Variants in CDK12 observed in about 807,000 individuals in gnomAD.
CDK12 encodes the protein cyclin-dependent kinase 12.
In CDK12, 17 loss-of-function variants were observed where a neutral mutation model predicts 133.8. The observed-to-expected ratio is 0.13, with a 90% CI of 0.09 to 0.19. The LOEUF (loss-of-function observed/expected upper bound fraction) is 0.19, where lower values mean the gene tolerates loss of function less well. Ranked by LOEUF, CDK12 falls within the 10% of genes least tolerant of loss-of-function variation. The pLI is 1.00. For synonymous variants in CDK12, 694 were observed against 683.6 expected, an observed-to-expected ratio of 1.02 and a Z score of -0.24; for missense variants, 1,508 against 1,818.7, an observed-to-expected ratio of 0.83 and a Z score of 3.11.
intron 2 of CDK12, among the ~76,000 whole-genome samples, chr17:39,477,612 G>A (rs1221264378): frequency 1.1e-4 from 16 of 145,622 alleles, no homozygotes; most frequent in East Asian, 2.0e-4. Flanking sequence ...TTGCTCTGTC[G>A]CCCAGGCTGG....
chr17:39,540,748 C>T (rs2055367771), intron 1 of CDK12, among the ~76,000 whole-genome samples: 1 of 141,826 alleles, frequency 7.1e-6, no homozygotes. Flanking sequence ...GGGACTGGGG[C>T]GGGGGTCGGC....
At chr17:39,539,669 T>A (rs1483919814) in intron 1 of CDK12, among the ~76,000 whole-genome samples, 1 of 152,164 alleles carries the variant, frequency 6.6e-6, no homozygotes, top group Admixed American at 6.5e-5. Flanking sequence ...GTCTTACAGC[T>A]GGTGGAGAGT....
rs748058337 is a variant in CDK12 at position 39,530,653 on chromosome 17, C to T, written c.3810C>T (p.Pro1270=). 15 of 1,610,868 alleles carry T rather than the reference C, an allele frequency of 9.3e-6. No homozygotes were observed. Among genetic ancestry groups the T allele is most frequent in the African/African-American group, 2.7e-5 (2 of 74,826 alleles). ...LPPEKRPPEP[P]GPPPPPPPPP... ...CAGAGAAGAGGCCCCCTGAGCCCCC[C>T]GGACCTCCACCGCCGCCACCTCCAC... is the stretch of plus-strand genomic sequence containing the variant. Residue 1270 remains proline, a synonymous_variant, in exon 14 of 14, where the codon CCC becomes CCT. Transcript: ENST00000447079.
intron 2 of CDK12, among the ~76,000 whole-genome samples, chr17:39,486,195 C>A (rs902412751): frequency 1.3e-5 from 2 of 150,680 alleles, no homozygotes; most frequent in Non-Finnish European, 2.9e-5. Context: ...TCAGGTGATC[C>A]GCCCGCTTGG....
At chr17:39,528,031 T>C (rs1411322420) in intron 13 of CDK12, among the ~76,000 whole-genome samples, 5 of 152,042 alleles carry the variant, frequency 3.3e-5, no homozygotes, top group Admixed American at 3.3e-4. Context: ...TTCTCCTGCC[T>C]CAGCCTCCCA....
Position 39,492,805 on chromosome 17 carries a change from A to C in CDK12, c.2163A>C (p.Lys721Asn), listed in dbSNP as rs1265863241. Residue 721 changes from lysine to asparagine, a missense_variant, in exon 4 of 14, where the codon AAA (lysine) becomes AAC (asparagine). Transcript: ENST00000447079. ...ERRQTESDWG[K>N]RCVDKFDIIG... Reference sequence around the variant, plus strand: ...GACAAACAGAAAGCGACTGGGGGAAACGCTGTGTGGACAAGTTTGACATTA... The same window carrying C: ...GACAAACAGAAAGCGACTGGGGGAACCGCTGTGTGGACAAGTTTGACATTA... 2.5e-6 allele frequency: 4 copies of C among 1,613,384 alleles called. No homozygotes were observed. Among genetic ancestry groups the C allele is most frequent in the Middle Eastern group, 1.6e-4 (1 of 6,080 alleles).
At chr17:39,553,755 G>T (rs2056045891) in intron 2 of CDK12, among the ~76,000 whole-genome samples, 1 of 152,230 alleles carries the variant, frequency 6.6e-6, no homozygotes, top group East Asian at 1.9e-4. Flanking sequence ...AGAGGGAGAA[G>T]GCTGCTGGTA....
intron 2 of CDK12, among the ~76,000 whole-genome samples, chr17:39,476,224 C>T (rs528947045): frequency 3.0e-4 from 46 of 151,918 alleles, no homozygotes; most frequent in Non-Finnish European, 5.7e-4. Context: ...ATTCTCCTGT[C>T]TCAGCCTCCC....
chr17:39,510,041 G>A (rs1364420662), intron 7 of CDK12, among the ~76,000 whole-genome samples: 1 of 150,574 alleles, frequency 6.6e-6, no homozygotes, highest in Non-Finnish European at 1.5e-5. Context: ...GGCTCAAGCT[G>A]TCTACCTGCC....
intron 3 of CDK12, among the ~76,000 whole-genome samples, chr17:39,563,650 G>A: frequency 6.6e-6 from 1 of 152,074 alleles, no homozygotes; most frequent in East Asian, 1.9e-4. Context: ...GGTGTGACGC[G>A]AGGCTCTGCC....
At chr17:39,521,754 G>A (rs929373960) in intron 11 of CDK12, among the ~76,000 whole-genome samples, 1 of 151,962 alleles carries the variant, frequency 6.6e-6, no homozygotes, top group African/African-American at 2.4e-5. Context: ...TAGAGACAGG[G>A]TTTCACCATG....
chr17:39,462,113 TGGA>T lies in CDK12; in HGVS notation c.47_49del (p.Gly16del). 6.2e-7 allele frequency: 1 copy of T among 1,613,482 alleles called. No individual in the cohort carries two copies. The highest frequency in any genetic ancestry group is 8.5e-7 in the Non-Finnish European group (1 of 1,179,836). On this transcript the variant is annotated inframe_deletion, in exon 1 of 14. Transcript: ENST00000447079. ...GACATGGGGGCAAGAAGGACGGGAGTGGAGGAGCTTCTGGAACTTTGCAGCCGT... is the reference window on the plus strand; with the variant it reads ...GACATGGGGGCAAGAAGGACGGGAGTGGAGCTTCTGGAACTTTGCAGCCGT...
intron 7 of CDK12, among the ~76,000 whole-genome samples, chr17:39,510,414 G>A (rs536498431): frequency 8.6e-5 from 13 of 151,128 alleles, no homozygotes; most frequent in South Asian, 2.1e-4. Flanking sequence ...CCACCACTGC[G>A]TCCGGCCAAG....
At chr17:39,493,811 A>G (rs959968627) in intron 4 of CDK12, among the ~76,000 whole-genome samples, 10 of 151,980 alleles carry the variant, frequency 6.6e-5, no homozygotes, top group East Asian at 2.0e-4. Context: ...CCTGGCTAAC[A>G]TGGTGAAACC....
chr17:39,508,062 A>C (rs573281955), intron 6 of CDK12, among the ~76,000 whole-genome samples: 6 of 151,978 alleles, frequency 3.9e-5, no homozygotes, highest in African/African-American at 1.4e-4. Flanking sequence ...ATTCTTTTGG[A>C]TTTCAGATTT....
At position 39,471,086 on chromosome 17, in the gene CDK12, G is replaced by A; in HGVS notation, c.1254G>A (p.Lys418=). ...AAAAAAKMDG[K]ESKGSPVFLP... is the part of the protein sequence containing the mutation. ...CTGCTGCAGCAAAGATGGATGGAAA[G>A]GAGTCCAAGGGTTCACCTGTATTTT... Residue 418 remains lysine, a synonymous_variant, in exon 2 of 14, where the codon AAG becomes AAA. Coordinates refer to ENST00000447079, the MANE Select transcript of CDK12 (RefSeq NM_016507.4). 3 of 1,613,254 alleles carry A rather than the reference G, an allele frequency of 1.9e-6. No homozygotes were observed. Among genetic ancestry groups the A allele is most frequent in the Non-Finnish European group, 2.5e-6 (3 of 1,179,764 alleles).
chr17:39,537,282 A>G (rs2055175755), downstream of CDK12, among the ~76,000 whole-genome samples: 1 of 152,170 alleles, frequency 6.6e-6, no homozygotes, highest in Admixed American at 6.5e-5. Flanking sequence ...ACCAAGGCTA[A>G]TGCAATTTTG....
intron 1 of CDK12, among the ~76,000 whole-genome samples, chr17:39,466,040 C>T (rs986493467): frequency 1.4e-4 from 21 of 152,052 alleles, no homozygotes; most frequent in Admixed American, 1.1e-3. Context: ...GGCGTGGTGG[C>T]TTATGCCTAT....
At chr17:39,553,444 G>T (rs559555260) in intron 2 of CDK12, among the ~76,000 whole-genome samples, 2 of 152,170 alleles carry the variant, frequency 1.3e-5, no homozygotes, top group South Asian at 4.1e-4. Flanking sequence ...GGAGATGTCT[G>T]CTCCTGAAAC....
Sources: allele counts gnomAD v4.1 joint callset (sites outside exome capture counted in the v4.1 genomes callset), GRCh38; gene constraint gnomAD v4.1.1; transcripts MANE v1.5; gene names NCBI Gene and HGNC (gene_info 2026-07-23, HGNC 2026-07-21).